ADK: variants seen among roughly 807,000 people sequenced by gnomAD.
ADK encodes the protein N6,N6-dimethyladenosine kinase.
Under a neutral mutation model 44.7 loss-of-function variants are expected in ADK, and 24 were observed. The observed-to-expected ratio is 0.54, with a 90% CI of 0.39 to 0.76. The LOEUF is 0.76. ADK is among the 30% of genes least tolerant of loss of function. The probability of loss-of-function intolerance (pLI) is 0.00; values close to 1 mark genes in which losing one functional copy is unlikely to be tolerated. For synonymous variants in ADK, 128 were observed against 142.6 expected (o/e 0.90, Z 0.73); for missense variants, 321 against 425.1 (o/e 0.76, Z 2.15).
At chr10:74,482,773 A>G (rs999887423) in intron 6 of ADK, among the ~76,000 whole-genome samples, 3 of 152,248 alleles carry the variant, frequency 2.0e-5, no homozygotes, top group Admixed American at 2.0e-4. Flanking sequence ...CAGGGCAGTC[A>G]TTAAATCTTT....
At chr10:74,231,903 C>A (rs1435385070) in intron 3 of ADK, among the ~76,000 whole-genome samples, 1 of 151,838 alleles carries the variant, frequency 6.6e-6, no homozygotes, top group Non-Finnish European at 1.5e-5. Context: ...TATAAGGCTG[C>A]ATCTCCAGGA....
At chr10:74,593,104 CAAATAT>C (rs113322229) in intron 8 of ADK, among the ~76,000 whole-genome samples, 4,704 of 152,172 alleles carry the variant, frequency 0.031, 211 homozygotes, top group African/African-American at 0.095. Flanking sequence ...GTGTTCTTCA[CAAATAT>C]AAATAGTGCA....
At chr10:74,594,923 C>T (rs1306650993) in intron 8 of ADK, among the ~76,000 whole-genome samples, 4 of 152,064 alleles carry the variant, frequency 2.6e-5, no homozygotes, top group African/African-American at 9.7e-5. Context: ...CGCCTGTAAT[C>T]CCAGCACTTT....
At chr10:74,219,143 A>G (rs1416915815) in intron 2 of ADK, among the ~76,000 whole-genome samples, 1 of 152,170 alleles carries the variant, frequency 6.6e-6, no homozygotes, top group Non-Finnish European at 1.5e-5. Context: ...GCAGAGACAC[A>G]CATAGGCTCA....
intron 4 of ADK, among the ~76,000 whole-genome samples, chr10:74,314,948 GTTTA>G (rs1156450255): frequency 6.6e-6 from 1 of 151,930 alleles, no homozygotes; most frequent in African/African-American, 2.4e-5. Context: ...AACTTTTAAT[GTTTA>G]TTGTTCATTT....
Position 74,577,478 on chromosome 10 carries a change from T to C in ADK, c.727-11804T>C, listed in dbSNP as rs535108560. On this transcript the variant is annotated intron_variant, in intron 7 of 10. Transcript: ENST00000539909. ...TTAAAGATTTTTTTTTCTTATCTTT[T>C]TTCTTTCAACTATTGCTACCTCTGA... Among the ~76,000 whole-genome samples, 3 of 152,260 alleles carry C rather than the reference T, an allele frequency of 2.0e-5. No homozygotes were observed. In the East Asian group the frequency reaches 5.8e-4, roughly 29 times the overall value.
chr10:74,562,908 AT>A (rs111527942), intron 7 of ADK, among the ~76,000 whole-genome samples: 6,517 of 150,886 alleles, frequency 0.043, 426 homozygotes, highest in African/African-American at 0.14. Context: ...AACAAATACC[AT>A]TTTTTTTCTT....
At chr10:74,161,557 G>A (rs1354483381) in intron 1 of ADK, among the ~76,000 whole-genome samples, 1 of 151,578 alleles carries the variant, frequency 6.6e-6, no homozygotes, top group Admixed American at 6.6e-5. Context: ...TTAGAGACAG[G>A]GTTTCACTAT....
chr10:74,200,528 G>A (rs1240910805), intron 1 of ADK, among the ~76,000 whole-genome samples: 1 of 151,078 alleles, frequency 6.6e-6, no homozygotes, highest in East Asian at 1.9e-4. Flanking sequence ...GGTGTGAGAT[G>A]GTGTCTCATT....
At chr10:74,450,046 C>T (rs1349742119) in intron 6 of ADK, among the ~76,000 whole-genome samples, 5 of 152,258 alleles carry the variant, frequency 3.3e-5, no homozygotes, top group Admixed American at 2.6e-4. Flanking sequence ...TGTCTCACAT[C>T]TGTAATCCCA....
chr10:74,698,827 G>A (rs1382953959), intron 10 of ADK, among the ~76,000 whole-genome samples: 1 of 151,774 alleles, frequency 6.6e-6, no homozygotes, highest in Non-Finnish European at 1.5e-5. Flanking sequence ...CCTAAGTACT[G>A]GGATTACAGG....
intron 7 of ADK, among the ~76,000 whole-genome samples, chr10:74,583,437 GT>G (rs1316018250): frequency 5.9e-5 from 9 of 152,176 alleles, no homozygotes; most frequent in Non-Finnish European, 1.2e-4. Flanking sequence ...ATATCTCCCG[GT>G]TAATCTGTGT....
At chr10:74,521,885 T>C (rs1301835798) in intron 6 of ADK, among the ~76,000 whole-genome samples, 2 of 152,322 alleles carry the variant, frequency 1.3e-5, no homozygotes, top group East Asian at 3.9e-4. Context: ...ACTTGAATAT[T>C]GGTAAAGAAT....
chr10:74,404,014 A>C (rs1843813490), intron 6 of ADK, among the ~76,000 whole-genome samples: 2 of 152,034 alleles, frequency 1.3e-5, no homozygotes, highest in South Asian at 4.2e-4. Flanking sequence ...CTGGGACTGC[A>C]CGTGCCTGCC....
chr10:74,282,219 AT>A (rs1846968283), intron 3 of ADK, among the ~76,000 whole-genome samples: 1 of 152,184 alleles, frequency 6.6e-6, no homozygotes, highest in South Asian at 2.1e-4. Flanking sequence ...TGTTAAAGTA[AT>A]GTTACCAAAA....
At chr10:74,470,683 A>G (rs181141773) in intron 6 of ADK, among the ~76,000 whole-genome samples, 18 of 151,112 alleles carry the variant, frequency 1.2e-4, no homozygotes, top group Admixed American at 2.0e-4. Context: ...TATTCTGAAT[A>G]TTGATCCCTT....
chr10:74,438,660 G>C (rs1198897385), intron 6 of ADK, among the ~76,000 whole-genome samples: 3 of 152,096 alleles, frequency 2.0e-5, no homozygotes, highest in Non-Finnish European at 4.4e-5. Context: ...TAAGCAACCC[G>C]ATATGTATAA....
chr10:74,690,089 C>T (rs1376907729), intron 10 of ADK, among the ~76,000 whole-genome samples: 2 of 152,248 alleles, frequency 1.3e-5, no homozygotes, highest in Non-Finnish European at 2.9e-5. Context: ...CAAGCAGTCT[C>T]TTTCCTAGTA....
chr10:74,642,827 CTTTTTTTT>C (rs770015945), intron 9 of ADK, among the ~76,000 whole-genome samples: 4 of 77,492 alleles, frequency 5.2e-5, no homozygotes, highest in Non-Finnish European at 1.1e-4. Flanking sequence ...ATCTTAAGTT[CTTTTTTTT>C]TTTTTTTTTT....
Sources: allele counts gnomAD v4.1 joint callset (sites outside exome capture counted in the v4.1 genomes callset), GRCh38; gene constraint gnomAD v4.1.1; transcripts MANE v1.5; gene names NCBI Gene and HGNC (gene_info 2026-07-23, HGNC 2026-07-21).